CIMIP5: variants seen among roughly 807,000 people sequenced by gnomAD.
The protein encoded by CIMIP5 is uncharacterized protein C2orf50.
At chr2:11,147,163 T>C in the CIMIP5 span, among the ~76,000 whole-genome samples, 6 of 152,160 alleles carry the variant, frequency 3.9e-5, no homozygotes, top group Non-Finnish European at 8.8e-5. Context: ...TTGTGTCTTT[T>C]GCACGTATTA....
At chr2:11,139,138 G>A in the CIMIP5 span, among the ~76,000 whole-genome samples, 9 of 152,162 alleles carry the variant, frequency 5.9e-5, no homozygotes, top group South Asian at 2.1e-4. Flanking sequence ...GGCTGGTCTC[G>A]AACTCCTGAC....
At chr2:11,154,239 A>G in the CIMIP5 span, among the ~76,000 whole-genome samples, 46 of 152,218 alleles carry the variant, frequency 3.0e-4, no homozygotes, top group Non-Finnish European at 5.1e-4. Flanking sequence ...CGCGGGGTCA[A>G]TAACGATCAG....
the CIMIP5 span, among the ~76,000 whole-genome samples, chr2:11,148,732 CTTTT>C: frequency 2.8e-5 from 1 of 35,540 alleles, no homozygotes; most frequent in African/African-American, 5.6e-5. Flanking sequence ...AATGAAAACT[CTTTT>C]TTTTTTTTTT....
the CIMIP5 span, among the ~76,000 whole-genome samples, chr2:11,139,494 C>G: frequency 6.6e-6 from 1 of 152,158 alleles, no homozygotes; most frequent in East Asian, 1.9e-4. Context: ...TAATACTATC[C>G]TTATGGTCCC....
the CIMIP5 span, among the ~76,000 whole-genome samples, chr2:11,141,557 ATC>A: frequency 6.6e-6 from 1 of 152,136 alleles, no homozygotes; most frequent in African/African-American, 2.4e-5. Flanking sequence ...CTTCTAGGGA[ATC>A]TCACCTTCCT....
chr2:11,143,676 C>T, the CIMIP5 span, among the ~76,000 whole-genome samples: 4 of 151,718 alleles, frequency 2.6e-5, no homozygotes, highest in South Asian at 2.1e-4. Flanking sequence ...CTCTGCAGGT[C>T]GCAGCATGAA....
At chr2:11,144,355 C>A in the CIMIP5 span, 27 of 315,228 alleles carry the variant, frequency 8.6e-5, no homozygotes, top group Admixed American at 8.5e-4. Context: ...CTTGGGAACT[C>A]ATGGGTGCCC....
chr2:11,142,266 CAAAAA>C, the CIMIP5 span, among the ~76,000 whole-genome samples: 9 of 84,650 alleles, frequency 1.1e-4, no homozygotes, highest in South Asian at 5.0e-4. Context: ...AATTCAGTCT[CAAAAA>C]AAAAAAAAAA....
chr2:11,139,120 G>T, the CIMIP5 span, among the ~76,000 whole-genome samples: 1 of 152,056 alleles, frequency 6.6e-6, no homozygotes, highest in East Asian at 1.9e-4. Flanking sequence ...GTTTCACCAT[G>T]TTGGCCAGGC....
At chr2:11,150,549 C>G in the CIMIP5 span, among the ~76,000 whole-genome samples, 1 of 151,808 alleles carries the variant, frequency 6.6e-6, no homozygotes, top group Non-Finnish European at 1.5e-5. Context: ...CCAGGCTGGT[C>G]TTGAACTCTT....
chr2:11,144,659 A>T, the CIMIP5 span: 1 of 141,004 alleles, frequency 7.1e-6, no homozygotes, highest in Admixed American at 6.6e-5. Flanking sequence ...GGAAGAATCT[A>T]TTTCCACATT....
chr2:11,149,698 C>A, the CIMIP5 span, among the ~76,000 whole-genome samples: 28 of 148,666 alleles, frequency 1.9e-4, no homozygotes, highest in African/African-American at 6.8e-4. Context: ...CAGAATGAGA[C>A]CCTATCTCAA....
At chr2:11,144,081 G>T in the CIMIP5 span, 54 of 1,598,570 alleles carry the variant, frequency 3.4e-5, no homozygotes, top group Non-Finnish European at 4.2e-5. Flanking sequence ...CCCGGAAGAA[G>T]AAGCTGGAGG....
At chr2:11,145,870 T>G in the CIMIP5 span, 11 of 152,200 alleles carry the variant, frequency 7.2e-5, no homozygotes, top group African/African-American at 2.7e-4. Flanking sequence ...AAACAAAAAC[T>G]GGCCAAAACA....
the CIMIP5 span, among the ~76,000 whole-genome samples, chr2:11,150,640 A>ATTT: frequency 5.4e-5 from 8 of 148,846 alleles, no homozygotes; most frequent in East Asian, 1.6e-3. Flanking sequence ...TGGTTTAGGA[A>ATTT]TTTTTTTTTT....
At chr2:11,148,660 A>G in the CIMIP5 span, among the ~76,000 whole-genome samples, 1 of 151,898 alleles carries the variant, frequency 6.6e-6, no homozygotes, top group Non-Finnish European at 1.5e-5. Flanking sequence ...AACATTAATA[A>G]TAATAACAAT....
At chr2:11,140,865 G>A in the CIMIP5 span, among the ~76,000 whole-genome samples, 3 of 152,046 alleles carry the variant, frequency 2.0e-5, no homozygotes, top group Admixed American at 6.5e-5. Flanking sequence ...TCTGTGTGGC[G>A]TGCCCGAGAA....
At chr2:11,138,316 G>A in the CIMIP5 span, among the ~76,000 whole-genome samples, 31 of 152,256 alleles carry the variant, frequency 2.0e-4, no homozygotes, top group Admixed American at 3.9e-4. Context: ...AAGAATACAA[G>A]GTTGTACAAG....
chr2:11,135,078 AAT>A, the CIMIP5 span, among the ~76,000 whole-genome samples: 1,381 of 152,312 alleles, frequency 9.1e-3, 23 homozygotes, highest in African/African-American at 0.031. Flanking sequence ...CCTGTGAACT[AAT>A]AGAGCAAGAG....
Sources: gnomAD v4.1 joint callset for allele counts (sites outside exome capture counted in the v4.1 genomes callset) on GRCh38, gnomAD v4.1.1 for gene constraint, MANE v1.5 for transcripts, NCBI Gene and HGNC (gene_info 2026-07-23, HGNC 2026-07-21) for gene names.